Variants in KIFBP observed in about 807,000 individuals in gnomAD.
The protein encoded by KIFBP is KIF-binding protein.
Under a neutral mutation model 58.9 loss-of-function variants are expected in KIFBP, and 46 were observed. That is an observed-to-expected ratio of 0.78 (90% CI 0.62 to 1.00). The LOEUF (loss-of-function observed/expected upper bound fraction) is 1.00, where lower values mean the gene tolerates loss of function less well. KIFBP is among the 50% of genes least tolerant of loss of function. The pLI is 0.00. For missense variants in KIFBP, 651 were observed against 752.9 expected (o/e 0.86, Z 1.58); for synonymous variants, 241 against 283.4 (o/e 0.85, Z 1.50).
At chr10:68,999,349 C>T (rs149870688) in intron 1 of KIFBP, among the ~76,000 whole-genome samples, 5 of 151,924 alleles carry the variant, frequency 3.3e-5, no homozygotes, top group African/African-American at 7.3e-5. Flanking sequence ...CTGCCTGCCT[C>T]GGCCTCCCAA....
At chr10:68,990,391 C>T (rs889199597) in intron 1 of KIFBP, among the ~76,000 whole-genome samples, 3 of 151,672 alleles carry the variant, frequency 2.0e-5, no homozygotes, top group African/African-American at 4.9e-5. Context: ...AAACAAAAAA[C>T]CCACAAAACT....
At chr10:68,998,772 T>TATATATATATATA (rs55852817) in intron 1 of KIFBP, among the ~76,000 whole-genome samples, 9 of 63,510 alleles carry the variant, frequency 1.4e-4, no homozygotes, top group African/African-American at 4.8e-4. Flanking sequence ...TATATATATA[T>TATATATATATATA]TTTTTTTTTT....
chr10:69,013,141 C>G (rs1316098741), intron 6 of KIFBP, among the ~76,000 whole-genome samples: 1 of 152,080 alleles, frequency 6.6e-6, no homozygotes, highest in Non-Finnish European at 1.5e-5. Context: ...AGGAAATCTG[C>G]CCCCAGTGAT....
intron 2 of KIFBP, among the ~76,000 whole-genome samples, chr10:69,004,779 G>A (rs988544129): frequency 2.0e-5 from 3 of 152,134 alleles, no homozygotes; most frequent in Admixed American, 6.5e-5. Flanking sequence ...TAGGAGGATT[G>A]CTTGAGGTGG....
At chr10:68,994,643 A>G (rs1843385832) in intron 1 of KIFBP, among the ~76,000 whole-genome samples, 1 of 152,122 alleles carries the variant, frequency 6.6e-6, no homozygotes, top group Non-Finnish European at 1.5e-5. Flanking sequence ...ACTCCAGGTT[A>G]TATATGTATA....
Position 69,005,734 on chromosome 10 carries a change from T to A in KIFBP, c.608T>A (p.Phe203Tyr). ...ATTGGTTTATTTTTTCTTTACAGAT[T>A]TGAAAAGGTTTATACTCATAACCTA... is the stretch of plus-strand genomic sequence containing the variant. ...KLTEQERSKR[F>Y]EKVYTHNLYY... The change falls in exon 4 of 7, where the codon TTT becomes TAT. Residue 203 changes from phenylalanine (F) to tyrosine (Y), a missense_variant and splice_region_variant. By Grantham distance (22) the Phe-to-Tyr change is conservative. Transcript: ENST00000361983. 1 of 1,603,574 alleles carries A rather than the reference T, an allele frequency of 6.2e-7. No homozygotes were observed. The highest frequency in any genetic ancestry group is 8.5e-7 in the Non-Finnish European group (1 of 1,170,588).
chr10:68,998,772 T>TATA lies in KIFBP; in HGVS notation c.427-1652_427-1651insATA, dbSNP rs55852817. On this transcript the variant is annotated intron_variant, in intron 1 of 6. Transcript: ENST00000361983. Reference sequence around the variant, plus strand: ...ATACATATATGTATATATATATATATTTTTTTTTTTTTTTTTTTTTTGAGA... The same window carrying TATA: ...ATACATATATGTATATATATATATATATATTTTTTTTTTTTTTTTTTTTTGAGA... Among the ~76,000 whole-genome samples the TATA allele has an allele frequency of 9.3e-3, 590 of 63,410 alleles. 1 individual carries two copies. Among genetic ancestry groups the TATA allele is most frequent in the Non-Finnish European group, 0.013 (405 of 31,864 alleles). The allele number at this position is 63,410 out of a possible 152,430, so 41.6% of individuals were successfully genotyped here.
intron 4 of KIFBP, among the ~76,000 whole-genome samples, chr10:69,008,391 A>AAAAAAATATATATATATATATATAT: frequency 1.3e-4 from 9 of 71,584 alleles, no homozygotes; most frequent in African/African-American, 6.2e-4. Flanking sequence ...AAAAAAAAAA[A>AAAAAAATATATATATATATATATAT]ATATATATAT....
intron 2 of KIFBP, among the ~76,000 whole-genome samples, chr10:69,001,132 T>C (rs1357304761): frequency 6.6e-6 from 1 of 152,168 alleles, no homozygotes; most frequent in Non-Finnish European, 1.5e-5. Context: ...TTTTTTTTTT[T>C]TTAACCCGTG....
intron 2 of KIFBP, 49 bp from the exon 3 acceptor site, chr10:69,004,997 G>A: frequency 7.6e-7 from 1 of 1,314,392 alleles, no homozygotes; most frequent in South Asian, 1.2e-5. Context: ...AGGGCACTTG[G>A]TGTTTACAGT....
At chr10:69,011,751 G>C (rs1008662931) in intron 6 of KIFBP, among the ~76,000 whole-genome samples, 1 of 134,652 alleles carries the variant, frequency 7.4e-6, no homozygotes, top group Non-Finnish European at 1.5e-5. Context: ...CTGGAGTGCA[G>C]TGGTGTGATC....
Position 69,016,449 on chromosome 10 carries a change from T to C in KIFBP, c.*33T>C. 1 of 1,610,148 alleles carries C rather than the reference T, an allele frequency of 6.2e-7. No homozygotes were observed. Among genetic ancestry groups the C allele is most frequent in the East Asian group, 2.2e-5 (1 of 44,878 alleles). ...TTTTAAAGAAAGGAAATGTGCAATA[T>C]TGAAGTGATCTTTTTCCCTAGTCAG... On this transcript the variant is annotated 3_prime_UTR_variant, in exon 7 of 7. Transcript: ENST00000361983.
Position 69,016,403 on chromosome 10 carries a change from T to C in KIFBP, c.1853T>C (p.Met618Thr), listed in dbSNP as rs758079903. The C allele has an allele frequency of 1.2e-6, 2 of 1,614,104 alleles. No homozygotes were observed. The highest frequency in any genetic ancestry group is 1.7e-5 in the Admixed American group (1 of 60,022). ...AAAATGGAGAGATTCAGAACCAAGATGGCCCTGACTTAATCCTTGTTTTTA... is the reference window on the plus strand; with the variant it reads ...AAAATGGAGAGATTCAGAACCAAGACGGCCCTGACTTAATCCTTGTTTTTA... ...PTKMERFRTK[M>T]ALT The change falls in exon 7 of 7, where the codon ATG becomes ACG. Residue 618 changes from methionine (M) to threonine (T), a missense_variant. Transcript: ENST00000361983.
In KIFBP at chr10:69,000,503, A is replaced by C; in HGVS notation, c.506A>C (p.Tyr169Ser). Residue 169 changes from tyrosine (Y) to serine (S), a missense_variant, in exon 2 of 7, where the codon TAT becomes TCT. Physicochemically the swap from Tyr to Ser is moderately radical, Grantham distance 144. Coordinates refer to ENST00000361983, the MANE Select transcript of KIFBP (RefSeq NM_015634.4). ...QAYLESSEAL[Y>S]NQYMKEVGSP... The stretch of plus-strand genomic sequence containing the variant: ...TACCTAGAGTCATCAGAAGCACTAT[A>C]TAATCAGTATATGAAAGAGGTATGT... The C allele has an allele frequency of 6.2e-7, 1 of 1,603,130 alleles. No homozygotes were observed. Among genetic ancestry groups the C allele is most frequent in the Non-Finnish European group, 8.5e-7 (1 of 1,170,180 alleles).
intron 1 of KIFBP, among the ~76,000 whole-genome samples, chr10:68,994,046 G>C (rs1843378822): frequency 6.6e-6 from 1 of 152,124 alleles, no homozygotes; most frequent in African/African-American, 2.4e-5. Flanking sequence ...AAAATTAGCT[G>C]TGTGTGGTGG....
intron 1 of KIFBP, chr10:68,989,555 G>C (rs1778729029): frequency 1.9e-6 from 1 of 534,176 alleles, no homozygotes; most frequent in South Asian, 2.2e-5. Context: ...ATTGGTGTCC[G>C]AGACCCTCCT....
rs66859037 is a variant in KIFBP, at chr10:69,005,494, G to A, written c.606-238G>A. ...AGTTCAAGACTGGCCTGACTATTAT[G>A]GTGAAACCCCGTCTCTACCAAAAAT... On this transcript the variant is annotated intron_variant, in intron 3 of 6. Transcript: ENST00000361983. Among the ~76,000 whole-genome samples the A allele has an allele frequency of 0.11, 17,420 of 151,964 alleles. 1,240 individuals carry two copies. The highest frequency in any genetic ancestry group is 0.18 in the Admixed American group (2,683 of 15,256).
Position 69,015,544 on chromosome 10 carries a change from A to C in KIFBP, c.994A>C (p.Asn332His). ...AATTTATTTTTTTTTCCTTCAGGAC[A>C]ACATAGGAGAGCTTGATCTTGATAA... ...MQNAQLSMQD[N>H]IGELDLDKQS... Residue 332 changes from asparagine (N) to histidine (H), a missense_variant, in exon 7 of 7, where the codon AAC (asparagine) becomes CAC (histidine). Coordinates refer to ENST00000361983, the MANE Select transcript of KIFBP (RefSeq NM_015634.4). The C allele has an allele frequency of 6.2e-7, 1 of 1,613,370 alleles. No individual in the cohort carries two copies. Among genetic ancestry groups the C allele is most frequent in the South Asian group, 1.1e-5 (1 of 90,964 alleles).
intron 1 of KIFBP, chr10:68,991,548 G>A: frequency 2.3e-6 from 1 of 435,682 alleles, no homozygotes; most frequent in Non-Finnish European, 4.8e-6. Context: ...ACAAAGCTAA[G>A]GCATTGGCAG....
Sources: gnomAD v4.1 joint callset for allele counts (sites outside exome capture counted in the v4.1 genomes callset) on GRCh38, gnomAD v4.1.1 for gene constraint, MANE v1.5 for transcripts, NCBI Gene and HGNC (gene_info 2026-07-23, HGNC 2026-07-21) for gene names.